NLGN1: variants seen among roughly 807,000 people sequenced by gnomAD.
NLGN1 encodes neuroligin-1.
NLGN1 carries 12 observed loss-of-function variants against 65.5 expected under a neutral mutation model. The ratio of observed to expected loss-of-function variants is 0.18; its 90% CI spans 0.12 to 0.30. The LOEUF is 0.30. Ranked by LOEUF, NLGN1 falls within the 10% of genes least tolerant of loss-of-function variation. The probability of loss-of-function intolerance (pLI) is 1.00; values close to 1 mark genes in which losing one functional copy is unlikely to be tolerated. For missense variants in NLGN1, 750 were observed against 1,007.1 expected (o/e 0.74, Z 3.46); for synonymous variants, 350 against 359.5 (o/e 0.97, Z 0.30).
At chr3:173,993,685 T>C (rs1031836885) in intron 4 of NLGN1, among the ~76,000 whole-genome samples, 1 of 151,904 alleles carries the variant, frequency 6.6e-6, no homozygotes, top group African/African-American at 2.4e-5. Context: ...GATAGATAGA[T>C]AGATAGATAG....
intron 4 of NLGN1, among the ~76,000 whole-genome samples, chr3:174,200,129 C>T (rs558484245): frequency 3.9e-5 from 6 of 152,246 alleles, no homozygotes; most frequent in African/African-American, 9.6e-5. Flanking sequence ...TTGCCTCTGC[C>T]GTTTACTCAT....
At chr3:173,860,487 C>T (rs910111223) in intron 4 of NLGN1, among the ~76,000 whole-genome samples, 2 of 151,854 alleles carry the variant, frequency 1.3e-5, no homozygotes, top group East Asian at 3.9e-4. Flanking sequence ...AACTAATTAC[C>T]TCTTTTGTTC....
At chr3:173,625,837 A>G (rs1256884580) in intron 3 of NLGN1, among the ~76,000 whole-genome samples, 1 of 152,118 alleles carries the variant, frequency 6.6e-6, no homozygotes, top group Non-Finnish European at 1.5e-5. Flanking sequence ...ATTTAAAACC[A>G]TATTTCCAGT....
chr3:173,576,900 T>C (rs1473764103), intron 2 of NLGN1, among the ~76,000 whole-genome samples: 1 of 152,200 alleles, frequency 6.6e-6, no homozygotes, highest in East Asian at 1.9e-4. Flanking sequence ...TGTGGTCCAA[T>C]ATTTTAAGAT....
chr3:173,947,297 C>A (rs1188985193), intron 4 of NLGN1, among the ~76,000 whole-genome samples: 5 of 152,158 alleles, frequency 3.3e-5, no homozygotes, highest in Admixed American at 3.3e-4. Flanking sequence ...GCTGGGATTA[C>A]AGGTGTTAGC....
At chr3:173,588,684 G>A (rs1363785530) in intron 2 of NLGN1, among the ~76,000 whole-genome samples, 13 of 152,242 alleles carry the variant, frequency 8.5e-5, no homozygotes, top group African/African-American at 2.4e-4. Flanking sequence ...ATGGCAAAGC[G>A]CTTCACTGCT....
chr3:174,007,785 G>T (rs941046302), intron 4 of NLGN1, among the ~76,000 whole-genome samples: 3 of 152,148 alleles, frequency 2.0e-5, no homozygotes, highest in Non-Finnish European at 4.4e-5. Flanking sequence ...GTGCATATCT[G>T]AACATGCAGT....
rs558420828 is a variant in NLGN1, at chr3:174,200,687, A to G, written c.647-74628A>G. Among the ~76,000 whole-genome samples, 4 of 152,334 alleles carry G rather than the reference A, an allele frequency of 2.6e-5. No homozygotes were observed. The South Asian group carries it at 8.3e-4, about 32-fold the overall frequency. On this transcript the variant is annotated intron_variant, in intron 4 of 6. Transcript: ENST00000457714. ...ATAAACATCACAAAGCAATAATATT[A>G]ACAATCTTTTCTTTTATATGCACTT...
At chr3:173,686,284 A>AT (rs1392770791) in intron 3 of NLGN1, among the ~76,000 whole-genome samples, 1 of 151,682 alleles carries the variant, frequency 6.6e-6, no homozygotes, top group Non-Finnish European at 1.5e-5. Context: ...AAAAAAAAAA[A>AT]TCAAAACAGA....
intron 4 of NLGN1, among the ~76,000 whole-genome samples, chr3:174,100,845 T>C (rs1576872606): frequency 6.6e-6 from 1 of 152,060 alleles, no homozygotes; most frequent in East Asian, 1.9e-4. Flanking sequence ...AGTCTCAATT[T>C]ATGTCAATTT....
At chr3:173,782,243 T>C (rs548026203) in intron 3 of NLGN1, among the ~76,000 whole-genome samples, 1 of 152,196 alleles carries the variant, frequency 6.6e-6, no homozygotes, top group South Asian at 2.1e-4. Flanking sequence ...ACATAATACA[T>C]ACAACACCTC....
chr3:174,237,350 A>G (rs1160839513), intron 4 of NLGN1, among the ~76,000 whole-genome samples: 3 of 152,158 alleles, frequency 2.0e-5, no homozygotes, highest in African/African-American at 4.8e-5. Context: ...ATTTACTTAT[A>G]CTGTTAATTA....
At chr3:174,087,857 G>C (rs1743718958) in intron 4 of NLGN1, among the ~76,000 whole-genome samples, 1 of 152,156 alleles carries the variant, frequency 6.6e-6, no homozygotes, top group Non-Finnish European at 1.5e-5. Context: ...TCCCAATTAT[G>C]TATCAGGGAA....
chr3:173,416,008 G>T (rs1465785741), intron 1 of NLGN1, among the ~76,000 whole-genome samples: 2 of 151,708 alleles, frequency 1.3e-5, no homozygotes, highest in African/African-American at 2.4e-5. Flanking sequence ...CTATTACCAG[G>T]TGTGATTATT....
intron 2 of NLGN1, among the ~76,000 whole-genome samples, chr3:173,501,646 T>C (rs116821219): frequency 0.06 from 9,075 of 150,098 alleles, 322 homozygotes; most frequent in South Asian, 0.12. Flanking sequence ...CAGATAATTA[T>C]GTATAATTAT....
intron 1 of NLGN1, among the ~76,000 whole-genome samples, chr3:173,424,634 G>T (rs555707492): frequency 1.3e-5 from 2 of 152,264 alleles, no homozygotes; most frequent in East Asian, 1.9e-4. Context: ...GCAAAATACC[G>T]CCAGTCTCTT....
intron 4 of NLGN1, among the ~76,000 whole-genome samples, chr3:173,861,260 C>G (rs1436161507): frequency 1.3e-5 from 2 of 151,638 alleles, no homozygotes; most frequent in African/African-American, 4.8e-5. Flanking sequence ...TTAGTTTTCT[C>G]TTATCTTTCA....
rs541020170 is a variant in NLGN1 at position 173,408,548 on chromosome 3, G to A, written c.-390+10061G>A. 5.9e-5 allele frequency among the ~76,000 whole-genome samples: 9 copies of A among 152,206 alleles called. No homozygotes were observed. In the South Asian group the frequency reaches 8.3e-4, roughly 14 times the overall value. Reference sequence around the variant, plus strand: ...TAACCAGCACCTGGAGATTAGGGAGGGAATCTTTCAGAAGAGCATAAGCAT... The same window carrying A: ...TAACCAGCACCTGGAGATTAGGGAGAGAATCTTTCAGAAGAGCATAAGCAT... On this transcript the variant is annotated intron_variant, in intron 1 of 6. Transcript: ENST00000457714.
rs1361380149 is a variant in NLGN1 at position 174,076,771 on chromosome 3, A to ACATGTGTG, written c.647-198543_647-198536dup. Among the ~76,000 whole-genome samples the ACATGTGTG allele has an allele frequency of 2.0e-5, 3 of 147,880 alleles. No individual in the cohort carries two copies. The Admixed American group carries it at 2.0e-4, about 10-fold the overall frequency. ...TGTGTGTGTGTGTGTGTTTATCCTC[A>ACATGTGTG]CATGTGTGTATGTACATATGTGTGT... On this transcript the variant is annotated intron_variant, in intron 4 of 6. Transcript: ENST00000457714.
Sources: allele counts gnomAD v4.1 joint callset (sites outside exome capture counted in the v4.1 genomes callset), GRCh38; gene constraint gnomAD v4.1.1; transcripts MANE v1.5; gene names NCBI Gene and HGNC (gene_info 2026-07-23, HGNC 2026-07-21).